The following ABCB11 variants were observed in gnomAD, a reference collection of about 807,000 sequenced individuals.
ABCB11 encodes the protein ATP binding cassette subfamily B member 11, also known as bile salt export pump.
Under a neutral mutation model 148.0 loss-of-function variants are expected in ABCB11, and 95 were observed. The observed-to-expected ratio is 0.64, with a 90% CI of 0.54 to 0.76. The LOEUF (loss-of-function observed/expected upper bound fraction) is 0.76. ABCB11 is among the 30% of genes least tolerant of loss of function. The pLI, the probability that ABCB11 is intolerant of heterozygous loss-of-function variation, is 0.00. For synonymous variants in ABCB11, 591 were observed against 555.4 expected (o/e 1.06, Z -0.90); for missense variants, 1,523 against 1,617.8 (o/e 0.94, Z 1.01).
At chr2:168,933,002 G>A (rs13389076) in intron 23 of ABCB11, among the ~76,000 whole-genome samples, 21,647 of 151,472 alleles carry the variant, frequency 0.14, 3,506 homozygotes, top group African/African-American at 0.38. Context: ...CCAGCTACTC[G>A]GGAGGCTGAG....
chr2:168,965,902 G>A (rs184153685), intron 17 of ABCB11, among the ~76,000 whole-genome samples: 60 of 151,900 alleles, frequency 3.9e-4, no homozygotes, highest in Admixed American at 5.9e-4. Context: ...TTCTGTTAAT[G>A]GCACTTCCAT....
chr2:169,023,478 T>C (rs1010440141), intron 1 of ABCB11, among the ~76,000 whole-genome samples: 3 of 152,208 alleles, frequency 2.0e-5, no homozygotes, highest in Non-Finnish European at 2.9e-5. Flanking sequence ...GCTTGTTTAT[T>C]GCAGTACTTC....
intron 12 of ABCB11, among the ~76,000 whole-genome samples, chr2:168,974,981 T>C (rs935135745): frequency 8.8e-5 from 13 of 147,320 alleles, no homozygotes; most frequent in Admixed American, 8.2e-4. Flanking sequence ...TATACACTTA[T>C]ATTTGTACAT....
intron 19 of ABCB11, among the ~76,000 whole-genome samples, chr2:168,955,506 T>C (rs1368804622): frequency 2.0e-5 from 3 of 151,638 alleles, no homozygotes; most frequent in Non-Finnish European, 4.4e-5. Context: ...CTCACTATTA[T>C]GAGAACAGCA....
intron 10 of ABCB11, 75 bp from the exon 11 acceptor site, chr2:168,980,054 C>T (rs1694084006): frequency 1.2e-6 from 1 of 826,976 alleles, no homozygotes; most frequent in South Asian, 1.5e-5. Context: ...TTTGGGTCTT[C>T]CATGTTAACG....
Position 168,957,949 on chromosome 2 carries a change from C to T in ABCB11, c.2343+15G>A, listed in dbSNP as rs1553553549. The T allele has an allele frequency of 6.6e-7, 1 of 1,510,136 alleles. No individual in the cohort carries two copies. The highest frequency in any genetic ancestry group is 9.0e-7 in the Non-Finnish European group (1 of 1,114,260). 93.5% of individuals were successfully genotyped at this position (1,510,136 alleles called of 1,614,324 possible). A position where few individuals can be genotyped will look rare whatever the true frequency, so the allele number is the denominator to read the frequency against. The stretch of plus-strand genomic sequence containing the variant: ...AGGTATGAGAAGAAGAAAGCTAGTC[C>T]AGCTGTGTACTTACCCCAAGAATCT... On this transcript the variant is annotated intron_variant, in intron 19 of 27. Transcript: ENST00000650372.
chr2:168,972,751 G>A (rs1228287399), intron 13 of ABCB11, among the ~76,000 whole-genome samples: 1 of 152,002 alleles, frequency 6.6e-6, no homozygotes, highest in African/African-American at 2.4e-5. Flanking sequence ...ATAGTTAAAC[G>A]ATTCCATCTC....
At chr2:168,959,663 T>A (rs1358579716) in intron 18 of ABCB11, among the ~76,000 whole-genome samples, 2 of 151,590 alleles carry the variant, frequency 1.3e-5, no homozygotes, top group African/African-American at 4.8e-5. Flanking sequence ...ACAAAGAAGA[T>A]GTCTTCATCC....
chr2:168,930,859 T>C lies in ABCB11; in HGVS notation c.3217A>G (p.Asn1073Asp). The part of the protein sequence containing the change: ...VYNTAGEKWD[N>D]FQGKIDFVDC... The stretch of plus-strand genomic sequence containing the variant: ...ACAAAATCAATCTTCCCCTGGAAGT[T>C]GTCCTGTGGATGGGAGGATCAAAAT... Residue 1073 changes from asparagine to aspartate, a missense_variant, in exon 25 of 28, where the codon AAC becomes GAC. Physicochemically the swap from Asn to Asp is conservative, Grantham distance 23. Transcript: ENST00000650372. 2.5e-6 allele frequency: 4 copies of C among 1,594,168 alleles called. No homozygotes were observed. The highest frequency in any genetic ancestry group is 3.4e-6 in the Non-Finnish European group (4 of 1,170,616).
rs770407783 is a variant in ABCB11, at chr2:168,996,620, G to A, written c.477+15C>T. The A allele has an allele frequency of 8.1e-5, 116 of 1,424,892 alleles. 1 individual carries two copies. The highest frequency in any genetic ancestry group is 1.9e-4 in the South Asian group (13 of 67,500). 88.3% of individuals were successfully genotyped at this position (1,424,892 alleles called of 1,614,324 possible). ...TCAGATATTGATCTATAAATTATAC[G>A]GAGGAGCTACTAACTTGAATATATC... is the stretch of plus-strand genomic sequence containing the variant. On this transcript the variant is annotated intron_variant, in intron 6 of 27. Transcript: ENST00000650372.
chr2:169,001,053 G>A (rs559011330), intron 5 of ABCB11, among the ~76,000 whole-genome samples: 1 of 152,180 alleles, frequency 6.6e-6, no homozygotes, highest in South Asian at 2.1e-4. Flanking sequence ...CAGTCTACTA[G>A]TGCTGTCATT....
intron 7 of ABCB11, among the ~76,000 whole-genome samples, chr2:168,994,745 A>C (rs1010890778): frequency 6.6e-6 from 1 of 152,214 alleles, no homozygotes. Flanking sequence ...ACATTTCCTT[A>C]ATCTCTTGTC....
At chr2:168,998,068 T>G (rs1315883639) in intron 5 of ABCB11, among the ~76,000 whole-genome samples, 1 of 152,002 alleles carries the variant, frequency 6.6e-6, no homozygotes, top group Non-Finnish European at 1.5e-5. Flanking sequence ...GAACAAGAAC[T>G]AGAAAATCAT....
At chr2:168,946,474 C>T (rs73018706) in intron 19 of ABCB11, among the ~76,000 whole-genome samples, 3,668 of 151,666 alleles carry the variant, frequency 0.024, 135 homozygotes, top group African/African-American at 0.082. Flanking sequence ...GTTTCTAGGG[C>T]CTTCATGGTG....
chr2:169,024,769 T>C (rs1695643342), intron 1 of ABCB11, among the ~76,000 whole-genome samples: 1 of 152,208 alleles, frequency 6.6e-6, no homozygotes, highest in African/African-American at 2.4e-5. Context: ...ATACTTTCCT[T>C]GTTTTTAATG....
chr2:168,995,488 A>G lies in ABCB11; in HGVS notation c.478-6T>C. The G allele has an allele frequency of 6.2e-7, 1 of 1,608,534 alleles. No homozygotes were observed. Among genetic ancestry groups the G allele is most frequent in the Non-Finnish European group, 8.5e-7 (1 of 1,177,574 alleles). On this transcript the variant is annotated splice_region_variant and splice_polypyrimidine_tract_variant and intron_variant, in intron 6 of 27. Transcript: ENST00000650372. ...GCAATGACCCAAAAGCATATCTGGAAATGGACAAAGGAATGTTTAGCATTG... is the reference window on the plus strand; with the variant it reads ...GCAATGACCCAAAAGCATATCTGGAGATGGACAAAGGAATGTTTAGCATTG...
chr2:169,017,653 A>G (rs757261414), intron 2 of ABCB11, among the ~76,000 whole-genome samples: 4 of 148,962 alleles, frequency 2.7e-5, no homozygotes, highest in Non-Finnish European at 5.9e-5. Flanking sequence ...TGCTAGTGCT[A>G]TAGGCCCCCT....
Position 168,958,859 on chromosome 2 carries a change from C to G in ABCB11, c.2179-731G>C, listed in dbSNP as rs1377120362. Reference sequence around the variant, plus strand: ...GTTTTTCCTTGCTATGGATACTACTCAAGTTTGGTCTTAAGCGTAATTAAT... The same window carrying G: ...GTTTTTCCTTGCTATGGATACTACTGAAGTTTGGTCTTAAGCGTAATTAAT... On this transcript the variant is annotated intron_variant, in intron 18 of 27. Transcript: ENST00000650372. 4.0e-5 allele frequency among the ~76,000 whole-genome samples: 6 copies of G among 151,688 alleles called. No homozygotes were observed. In the East Asian group the frequency reaches 9.8e-4, roughly 25 times the overall value.
rs190381119 is a variant in ABCB11 at position 168,979,557 on chromosome 2, T to C, written c.1197+309A>G. On this transcript the variant is annotated intron_variant, in intron 11 of 27. Coordinates refer to ENST00000650372, the MANE Select transcript of ABCB11 (RefSeq NM_003742.4). ...GGGTCTTACTTGTTCTAGTTCCCTG[T>C]TGCATTCACTCCCTTGAGGCAGGAG... 2.6e-5 allele frequency among the ~76,000 whole-genome samples: 4 copies of C among 151,838 alleles called. No individual in the cohort carries two copies. In the East Asian group the frequency reaches 7.8e-4, roughly 30 times the overall value.
Sources: gnomAD v4.1 joint callset for allele counts (sites outside exome capture counted in the v4.1 genomes callset) on GRCh38, gnomAD v4.1.1 for gene constraint, MANE v1.5 for transcripts, NCBI Gene and HGNC (gene_info 2026-07-23, HGNC 2026-07-21) for gene names.